The following FAM3B variants were observed in gnomAD, a reference collection of about 807,000 sequenced individuals.
FAM3B encodes FAM3 metabolism regulating signaling molecule B, also known as protein FAM3B.
FAM3B carries 29 observed loss-of-function variants against 28.4 expected under a neutral mutation model. The ratio of observed to expected loss-of-function variants is 1.02; its 90% CI spans 0.76 to 1.39. The LOEUF (loss-of-function observed/expected upper bound fraction) is 1.39, where lower values mean the gene tolerates loss of function less well. Ranked by LOEUF, FAM3B falls within the 40% of genes most tolerant of loss-of-function variation. The pLI, the probability that FAM3B is intolerant of heterozygous loss-of-function variation, is 0.00. For missense variants in FAM3B, 266 were observed against 293.9 expected (o/e 0.91, Z 0.69); for synonymous variants, 91 against 103.0 (o/e 0.88, Z 0.71).
chr21:41,343,827 A>C (rs1477046871), intron 3 of FAM3B, among the ~76,000 whole-genome samples: 1 of 152,222 alleles, frequency 6.6e-6, no homozygotes, highest in Non-Finnish European at 1.5e-5. Context: ...GTTAAAAATT[A>C]AGTGACATAC....
At chr21:41,351,262 C>T (rs1438732899) in intron 7 of FAM3B, among the ~76,000 whole-genome samples, 1 of 152,172 alleles carries the variant, frequency 6.6e-6, no homozygotes, top group Non-Finnish European at 1.5e-5. Flanking sequence ...AAGAAAAAGA[C>T]TGGACGTCAA....
chr21:41,317,742 G>T (rs2088763060), intron 1 of FAM3B, among the ~76,000 whole-genome samples: 2 of 152,148 alleles, frequency 1.3e-5, no homozygotes, highest in Non-Finnish European at 2.9e-5. Context: ...TAGTGAGGGT[G>T]TTGGACTGAA....
chr21:41,344,780 A>T lies in FAM3B; in HGVS notation c.346+246A>T, dbSNP rs540886782. The stretch of plus-strand genomic sequence containing the variant: ...TTTAAAAAAAGAAAAAAACAGAGGG[A>T]TAGGCCAAAGTTAGGGTTAACACCA... On this transcript the variant is annotated intron_variant, in intron 4 of 7. Coordinates refer to ENST00000357985, the MANE Select transcript of FAM3B (RefSeq NM_058186.4). Among the ~76,000 whole-genome samples, 31 of 152,350 alleles carry T rather than the reference A, an allele frequency of 2.0e-4. 2 individuals are homozygous for T. In the South Asian group the frequency reaches 6.2e-3, roughly 31 times the overall value.
chr21:41,310,712 C>G (rs972074871), intron 1 of FAM3B, among the ~76,000 whole-genome samples: 1 of 152,164 alleles, frequency 6.6e-6, no homozygotes. Flanking sequence ...ACACAGAGAG[C>G]CTCTTGCTTT....
At position 41,322,977 on chromosome 21, in the gene FAM3B, G is replaced by T. The variant is rs564190600; in HGVS notation, c.74G>T (p.Gly25Val). 6.2e-7 allele frequency: 1 copy of T among 1,612,698 alleles called. No individual in the cohort carries two copies. Among genetic ancestry groups the T allele is most frequent in the Non-Finnish European group, 8.5e-7 (1 of 1,180,042 alleles). Residue 25 changes from glycine (G) to valine (V), a missense_variant, in exon 2 of 8, where the codon GGG (glycine) becomes GTG (valine). Coordinates refer to ENST00000357985, the MANE Select transcript of FAM3B (RefSeq NM_058186.4). Reference protein sequence around the residue: ...VFASLCAWYSGYLLAELIPDA... With the variant: ...VFASLCAWYSVYLLAELIPDA... The stretch of plus-strand genomic sequence containing the variant: ...GCCTCCTTGTGTGCCTGGTATTCGG[G>T]GTACCTGCTCGCAGAGCTCATTCCA...
At chr21:41,331,922 C>G (rs2088909336) in intron 2 of FAM3B, among the ~76,000 whole-genome samples, 1 of 152,156 alleles carries the variant, frequency 6.6e-6, no homozygotes, top group South Asian at 2.1e-4. Context: ...TTGAATCATA[C>G]TTGCATCTGT....
At chr21:41,317,047 G>A in intron 1 of FAM3B, 149 bp downstream of exon 1, 1 of 702,304 alleles carries the variant, frequency 1.4e-6, no homozygotes, top group Non-Finnish European at 2.0e-6. Context: ...TTAGACCTGG[G>A]ATCAGGAATG....
chr21:41,337,169 G>A (rs2145816615), intron 2 of FAM3B, among the ~76,000 whole-genome samples: 1 of 152,228 alleles, frequency 6.6e-6, no homozygotes, highest in East Asian at 1.9e-4. Context: ...TTAGTTTAAG[G>A]TGCTAAGAGT....
At chr21:41,350,582 G>A (rs1394009901) in intron 7 of FAM3B, among the ~76,000 whole-genome samples, 2 of 152,192 alleles carry the variant, frequency 1.3e-5, no homozygotes, top group Non-Finnish European at 2.9e-5. Context: ...CACAGCTTCT[G>A]CAATCAATGT....
chr21:41,338,151 C>A (rs953024236), intron 2 of FAM3B, among the ~76,000 whole-genome samples: 13 of 151,870 alleles, frequency 8.6e-5, no homozygotes, highest in Non-Finnish European at 1.5e-4. Flanking sequence ...CTACTCAGTA[C>A]CCCTCTCCTT....
Position 41,342,556 on chromosome 21 carries a change from G to A in FAM3B, c.288-1920G>A, listed in dbSNP as rs151170225. 6.6e-5 allele frequency among the ~76,000 whole-genome samples: 10 copies of A among 152,282 alleles called. No homozygotes were observed. The East Asian group carries it at 1.7e-3, about 26-fold the overall frequency. On this transcript the variant is annotated intron_variant, in intron 3 of 7. Transcript: ENST00000357985. ...CTCTCTGCTCTTTATCATGGACAGA[G>A]TTGTTTTCCATTCACTAATTCTCTC...
chr21:41,348,711 T>C lies in FAM3B; in HGVS notation c.605T>C (p.Ile202Thr). The C allele has an allele frequency of 6.2e-7, 1 of 1,614,214 alleles. No individual in the cohort carries two copies. The highest frequency in any genetic ancestry group is 8.5e-7 in the Non-Finnish European group (1 of 1,180,034). The change falls in exon 7 of 8, where the codon ATT becomes ACT. Residue 202 changes from isoleucine (I) to threonine (T), a missense_variant. Coordinates refer to ENST00000357985, the MANE Select transcript of FAM3B (RefSeq NM_058186.4). Reference protein sequence around the residue: ...AAKGLELPSEIQREKINHSDA... With the variant: ...AAKGLELPSETQREKINHSDA... The stretch of plus-strand genomic sequence containing the variant: ...AAAGGCTTGGAACTCCCTTCCGAAA[T>C]TCAGAGAGAAAAGGTGAGTGGTTTT...
intron 5 of FAM3B, among the ~76,000 whole-genome samples, chr21:41,346,582 G>A (rs1290001644): frequency 6.6e-6 from 1 of 152,110 alleles, no homozygotes; most frequent in Non-Finnish European, 1.5e-5. Flanking sequence ...GTGGGTGTGG[G>A]TGTGGCCCTT....
chr21:41,343,895 A>T (rs969828276), intron 3 of FAM3B, among the ~76,000 whole-genome samples: 48 of 152,222 alleles, frequency 3.2e-4, no homozygotes, highest in African/African-American at 1.2e-3. Flanking sequence ...AGGCGGGCAG[A>T]TCACTGGAGC....
chr21:41,304,872 G>T (rs2088674533), intron 1 of FAM3B, among the ~76,000 whole-genome samples: 1 of 152,192 alleles, frequency 6.6e-6, no homozygotes, highest in South Asian at 2.1e-4. Flanking sequence ...AGGGAGACCA[G>T]CTAGGTGGAT....
intron 1 of FAM3B, among the ~76,000 whole-genome samples, chr21:41,305,440 A>C (rs1333889209): frequency 6.6e-6 from 1 of 152,168 alleles, no homozygotes; most frequent in Non-Finnish European, 1.5e-5. Context: ...TGTCATATAC[A>C]TATACTGCTA....
intron 7 of FAM3B, among the ~76,000 whole-genome samples, chr21:41,356,040 TACACACACACACACAC>T (rs59345837): frequency 5.7e-3 from 680 of 119,966 alleles, no homozygotes; most frequent in Non-Finnish European, 7.6e-3. Context: ...AAAAAATACA[TACACACACACACACAC>T]ACACACACAC....
At chr21:41,322,831 C>G (rs752993320) in intron 1 of FAM3B, 92 bp from the exon 2 acceptor site, 1 of 1,598,690 alleles carries the variant, frequency 6.3e-7, no homozygotes, top group East Asian at 2.2e-5. Context: ...GACACTGGGC[C>G]GGGATGAAAA....
intron 2 of FAM3B, among the ~76,000 whole-genome samples, chr21:41,323,945 G>T (rs2088833123): frequency 1.3e-5 from 2 of 152,150 alleles, no homozygotes; most frequent in African/African-American, 4.8e-5. Flanking sequence ...TTGGAGGCTG[G>T]GAAGTTCAAG....
Sources: gnomAD v4.1 joint callset for allele counts (sites outside exome capture counted in the v4.1 genomes callset) on GRCh38, gnomAD v4.1.1 for gene constraint, MANE v1.5 for transcripts, NCBI Gene and HGNC (gene_info 2026-07-23, HGNC 2026-07-21) for gene names.